The following CDH8 variants were observed in gnomAD, a reference collection of about 807,000 sequenced individuals.
CDH8 encodes the protein cadherin-8.
CDH8 carries 17 observed loss-of-function variants against 68.1 expected under a neutral mutation model. The ratio of observed to expected loss-of-function variants is 0.25; its 90% CI spans 0.17 to 0.37. CDH8 has a LOEUF of 0.37. CDH8 is among the 10% of genes least tolerant of loss of function. The probability of loss-of-function intolerance (pLI) is 1.00; values close to 1 mark genes in which losing one functional copy is unlikely to be tolerated. For missense variants in CDH8, 763 were observed against 999.3 expected (o/e 0.76, Z 3.19); for synonymous variants, 372 against 365.1 (o/e 1.02, Z -0.21).
rs375005151 is a variant in CDH8, at chr16:61,832,405, TAGAG to T, written c.668-7230_668-7227del. 6.5e-4 allele frequency among the ~76,000 whole-genome samples: 98 copies of T among 151,414 alleles called. 2 individuals are homozygous for T. The South Asian group carries it at 0.019, about 29-fold the overall frequency. On this transcript the variant is annotated intron_variant, in intron 4 of 11. Transcript: ENST00000577390. Reference sequence around the variant, plus strand: ...ATACATAGAGAAATAGAGAGGGAAATAGAGAGACAGATAAATAGACTTATAGATA... The same window carrying T: ...ATACATAGAGAAATAGAGAGGGAAATAGACAGATAAATAGACTTATAGATA...
intron 10 of CDH8, among the ~76,000 whole-genome samples, chr16:61,671,544 T>A (rs575775372): frequency 1.1e-4 from 17 of 152,008 alleles, no homozygotes; most frequent in Non-Finnish European, 2.4e-4. Context: ...CTTGAATCAT[T>A]TTAAAGTTTA....
intron 3 of CDH8, among the ~76,000 whole-genome samples, chr16:61,899,026 T>C (rs1006931212): frequency 3.9e-5 from 6 of 152,176 alleles, no homozygotes; most frequent in African/African-American, 1.4e-4. Flanking sequence ...ATGTGCAGAA[T>C]GTGCAGGTTT....
At position 61,969,528 on chromosome 16, in the gene CDH8, G is replaced by A. The variant is rs558770652; in HGVS notation, c.252+51624C>T. Among the ~76,000 whole-genome samples the A allele has an allele frequency of 9.9e-5, 15 of 152,052 alleles. 2 individuals carry two copies. Among genetic ancestry groups the A allele is most frequent in the African/African-American group, 9.6e-5 (4 of 41,480 alleles). On this transcript the variant is annotated intron_variant, in intron 2 of 11. Coordinates refer to ENST00000577390, the MANE Select transcript of CDH8 (RefSeq NM_001796.5). ...TCTCCCAGCTCTAACAGACTATTTCGGTCAGTATCAGACAATCATCCAAAT... is the reference window on the plus strand; with the variant it reads ...TCTCCCAGCTCTAACAGACTATTTCAGTCAGTATCAGACAATCATCCAAAT...
chr16:61,658,449 T>C (rs957146307), intron 10 of CDH8, among the ~76,000 whole-genome samples: 1 of 152,000 alleles, frequency 6.6e-6, no homozygotes, highest in African/African-American at 2.4e-5. Context: ...AATTCGATTG[T>C]TTTCTATACT....
intron 8 of CDH8, among the ~76,000 whole-genome samples, chr16:61,752,574 A>C (rs561039258): frequency 6.6e-6 from 1 of 152,178 alleles, no homozygotes; most frequent in African/African-American, 2.4e-5. Context: ...TCTCCACCTC[A>C]GAATATCTGC....
At chr16:61,675,599 TA>T (rs1236072164) in intron 10 of CDH8, among the ~76,000 whole-genome samples, 2,319 of 100,818 alleles carry the variant, frequency 0.023, 41 homozygotes, top group African/African-American at 0.058. Flanking sequence ...TAAAGTATAA[TA>T]AAAAAAAATA....
chr16:62,008,204 T>A (rs1045411672), intron 2 of CDH8, among the ~76,000 whole-genome samples: 5 of 152,074 alleles, frequency 3.3e-5, no homozygotes, highest in Non-Finnish European at 7.4e-5. Context: ...CCCAAAGCAC[T>A]GGGATTACGG....
chr16:61,668,050 A>G (rs1963715062), intron 10 of CDH8, among the ~76,000 whole-genome samples: 1 of 152,030 alleles, frequency 6.6e-6, no homozygotes, highest in South Asian at 2.1e-4. Context: ...CACCTTTATT[A>G]GAGACAACAA....
intron 10 of CDH8, among the ~76,000 whole-genome samples, chr16:61,671,438 C>T (rs1483600370): frequency 2.7e-5 from 4 of 150,636 alleles, no homozygotes; most frequent in African/African-American, 9.8e-5. Flanking sequence ...TTCCTACTTT[C>T]CTGGTTTAGT....
chr16:61,988,559 C>A (rs1965664609), intron 2 of CDH8, among the ~76,000 whole-genome samples: 1 of 151,872 alleles, frequency 6.6e-6, no homozygotes, highest in African/African-American at 2.4e-5. Context: ...CCATGAGCTG[C>A]AAATACCAAA....
chr16:61,655,441 G>A, intron 11 of CDH8, 29 bp downstream of exon 11: 1 of 1,611,880 alleles, frequency 6.2e-7, no homozygotes, highest in Non-Finnish European at 8.5e-7. Flanking sequence ...GAAAAAGGGT[G>A]ACCGGTAGGC....
chr16:61,745,981 C>T (rs1340764832), intron 8 of CDH8, among the ~76,000 whole-genome samples: 1 of 151,940 alleles, frequency 6.6e-6, no homozygotes. Context: ...TTAGATAGAT[C>T]AATTTGATAC....
chr16:61,822,969 T>C (rs905167897), intron 5 of CDH8, among the ~76,000 whole-genome samples: 4 of 151,984 alleles, frequency 2.6e-5, no homozygotes, highest in Non-Finnish European at 4.4e-5. Context: ...TTGAAATTGA[T>C]CTGCCATTAT....
rs1490220293 is a variant in CDH8 at position 61,814,448 on chromosome 16, G to A, written c.1277+3031C>T. Among the ~76,000 whole-genome samples, 6 of 152,276 alleles carry A rather than the reference G, an allele frequency of 3.9e-5. No individual in the cohort carries two copies. In the East Asian group the frequency reaches 7.7e-4, roughly 20 times the overall value. ...AATACATACAGATAGAGATATAGTA[G>A]TAGGTATAAGAAGTCAAAAATACAT... On this transcript the variant is annotated intron_variant, in intron 7 of 11. Transcript: ENST00000577390.
At chr16:61,997,551 G>A (rs973488408) in intron 2 of CDH8, among the ~76,000 whole-genome samples, 28 of 152,160 alleles carry the variant, frequency 1.8e-4, no homozygotes, top group African/African-American at 6.8e-4. Flanking sequence ...ACTATTGGAT[G>A]AAAGTCTAAT....
intron 7 of CDH8, among the ~76,000 whole-genome samples, chr16:61,812,471 T>C (rs1044328587): frequency 6.6e-6 from 1 of 152,168 alleles, no homozygotes; most frequent in Non-Finnish European, 1.5e-5. Context: ...GCTCATGCAG[T>C]CTTATTCAAG....
chr16:62,004,663 G>C (rs1224412825), intron 2 of CDH8, among the ~76,000 whole-genome samples: 2 of 152,192 alleles, frequency 1.3e-5, no homozygotes, highest in Non-Finnish European at 2.9e-5. Flanking sequence ...ATACCTCCTG[G>C]TGTTTCAAAC....
chr16:61,932,639 GT>G (rs1240317497), intron 2 of CDH8, among the ~76,000 whole-genome samples: 1 of 152,132 alleles, frequency 6.6e-6, no homozygotes, highest in African/African-American at 2.4e-5. Context: ...AAAAGCAGTT[GT>G]TTCATGACCC....
intron 2 of CDH8, among the ~76,000 whole-genome samples, chr16:61,978,752 C>T (rs1965483390): frequency 6.6e-6 from 1 of 152,118 alleles, no homozygotes; most frequent in Non-Finnish European, 1.5e-5. Context: ...TATGCTTTTT[C>T]CACTAGACCA....
Sources: allele counts gnomAD v4.1 joint callset (sites outside exome capture counted in the v4.1 genomes callset), GRCh38; gene constraint gnomAD v4.1.1; transcripts MANE v1.5; gene names NCBI Gene and HGNC (gene_info 2026-07-23, HGNC 2026-07-21).